Variants in STAU2 observed in about 807,000 individuals in gnomAD.
STAU2 encodes the protein staufen double-stranded RNA binding protein 2, also known as double-stranded RNA-binding protein Staufen homolog 2.
A neutral mutation model predicts 65.9 loss-of-function variants in STAU2; 20 were observed. The ratio of observed to expected loss-of-function variants is 0.30; its 90% CI spans 0.21 to 0.44. The LOEUF (loss-of-function observed/expected upper bound fraction) is 0.44, where lower values mean the gene tolerates loss of function less well. STAU2 is among the 20% of genes least tolerant of loss of function. The probability of loss-of-function intolerance (pLI) is 1.00; values close to 1 mark genes in which losing one functional copy is unlikely to be tolerated. For missense variants in STAU2, 558 were observed against 683.9 expected (o/e 0.82, Z 2.05); for synonymous variants, 232 against 233.9 (o/e 0.99, Z 0.07).
intron 13 of STAU2, among the ~76,000 whole-genome samples, chr8:73,503,534 C>T (rs924898584): frequency 5.4e-5 from 8 of 148,680 alleles, no homozygotes; most frequent in African/African-American, 2.0e-4. Flanking sequence ...ACTCAAATGC[C>T]TTGATTCTTG....
chr8:73,649,869 T>TTATTTATTTATATATATATA (rs71269927), intron 6 of STAU2, among the ~76,000 whole-genome samples: 1 of 71,656 alleles, frequency 1.4e-5, no homozygotes, highest in Non-Finnish European at 2.6e-5. Flanking sequence ...CTATATAATT[T>TTATTTATTTATATATATATA]TATATATATA....
chr8:73,735,223 A>G (rs543797384), intron 3 of STAU2, among the ~76,000 whole-genome samples: 1 of 152,192 alleles, frequency 6.6e-6, no homozygotes, highest in Non-Finnish European at 1.5e-5. Context: ...GGGCCACCAC[A>G]CTGGGCCCCT....
At position 73,552,324 on chromosome 8, in the gene STAU2, A is replaced by C; in HGVS notation, c.1223-5T>G. The C allele has an allele frequency of 1.9e-6, 3 of 1,606,108 alleles. No individual in the cohort carries two copies. Among genetic ancestry groups the C allele is most frequent in the Non-Finnish European group, 2.6e-6 (3 of 1,176,156 alleles). On this transcript the variant is annotated splice_polypyrimidine_tract_variant and splice_region_variant and intron_variant, in intron 12 of 14. Coordinates refer to ENST00000524300, the MANE Select transcript of STAU2 (RefSeq NM_001164380.2). ...AATGAAGAATTCCTTTTGGAGCTAT[A>C]AATAAAATGAAGAACACTGTTATTA...
intron 13 of STAU2, among the ~76,000 whole-genome samples, chr8:73,450,463 A>G (rs1241381924): frequency 6.6e-6 from 1 of 152,206 alleles, no homozygotes; most frequent in Non-Finnish European, 1.5e-5. Flanking sequence ...GTGGAGTCCA[A>G]GGAGAGGAAA....
chr8:73,644,363 T>G (rs1054105933), intron 6 of STAU2, among the ~76,000 whole-genome samples: 3 of 152,078 alleles, frequency 2.0e-5, no homozygotes, highest in Non-Finnish European at 4.4e-5. Context: ...AAGGATCACT[T>G]GAGCCCAGGA....
chr8:73,571,685 T>C (rs1462244469), intron 12 of STAU2, among the ~76,000 whole-genome samples: 1 of 152,222 alleles, frequency 6.6e-6, no homozygotes, highest in Non-Finnish European at 1.5e-5. Context: ...AATAAAGATG[T>C]TCTTTGAAAC....
chr8:73,435,056 G>T (rs937794668), intron 13 of STAU2, among the ~76,000 whole-genome samples: 5 of 150,820 alleles, frequency 3.3e-5, no homozygotes, highest in African/African-American at 1.0e-4. Flanking sequence ...GCAGATGTCA[G>T]CGTTATCCAC....
intron 13 of STAU2, among the ~76,000 whole-genome samples, chr8:73,467,600 A>G (rs1819731187): frequency 6.6e-6 from 1 of 152,210 alleles, no homozygotes. Context: ...GTGGGGTGGG[A>G]AAGATATCAT....
intron 13 of STAU2, among the ~76,000 whole-genome samples, chr8:73,481,528 A>AAAAC (rs1554595570): frequency 6.9e-6 from 1 of 145,354 alleles, no homozygotes; most frequent in Non-Finnish European, 1.5e-5. Context: ...AAAAAAAAAA[A>AAAAC]CACTTTTTTT....
intron 13 of STAU2, among the ~76,000 whole-genome samples, chr8:73,425,411 G>A (rs963103968): frequency 3.3e-5 from 5 of 152,124 alleles, no homozygotes; most frequent in Non-Finnish European, 7.3e-5. Flanking sequence ...CAAAGCACTC[G>A]AAGTGAGGAG....
At chr8:73,599,929 G>A (rs549324592) in intron 10 of STAU2, among the ~76,000 whole-genome samples, 65 of 152,160 alleles carry the variant, frequency 4.3e-4, no homozygotes, top group African/African-American at 1.4e-3. Flanking sequence ...CACCATGTCC[G>A]GCTAATTTTT....
At chr8:73,497,312 A>T (rs1821472695) in intron 13 of STAU2, among the ~76,000 whole-genome samples, 1 of 151,796 alleles carries the variant, frequency 6.6e-6, no homozygotes, top group African/African-American at 2.4e-5. Context: ...TTTTAAAATG[A>T]ATAAACATCC....
intron 4 of STAU2, among the ~76,000 whole-genome samples, chr8:73,693,257 A>G (rs1449135737): frequency 3.3e-5 from 5 of 152,298 alleles, no homozygotes; most frequent in Middle Eastern, 3.4e-3. Context: ...GCGGATCACG[A>G]GGTCAGGAGA....
chr8:73,615,847 C>A, intron 7 of STAU2, 65 bp from the exon 8 acceptor site: 1 of 1,177,984 alleles, frequency 8.5e-7, no homozygotes, highest in Non-Finnish European at 1.3e-6. Flanking sequence ...TTTTATTCTA[C>A]AGTCAAGATG....
intron 5 of STAU2, among the ~76,000 whole-genome samples, chr8:73,686,366 C>T (rs578253686): frequency 6.5e-4 from 99 of 152,096 alleles, no homozygotes; most frequent in Non-Finnish European, 1.2e-3. Flanking sequence ...CTGGCTAACA[C>T]AGTGAAACCC....
chr8:73,723,022 C>A (rs953834969), intron 3 of STAU2, among the ~76,000 whole-genome samples: 2 of 152,016 alleles, frequency 1.3e-5, no homozygotes, highest in African/African-American at 4.8e-5. Context: ...GTGGTCAGAG[C>A]GTATCCTAGC....
intron 13 of STAU2, among the ~76,000 whole-genome samples, chr8:73,547,995 T>C (rs1167863001): frequency 1.2e-5 from 1 of 81,660 alleles, no homozygotes; most frequent in Non-Finnish European, 3.5e-5. Context: ...CATCTAGACA[T>C]GATTTAAAGT....
rs147211049 is a variant in STAU2, at chr8:73,438,787, C to T, written c.1531-16085G>A. ...GCTCCCTGATACTCAGGGTTAGGCC[C>T]GCTAACGGGGACAAGGCCACATAGG... On this transcript the variant is annotated intron_variant, in intron 13 of 14. Transcript: ENST00000524300. The T allele has an allele frequency of 6.8e-4, 252 of 369,796 alleles. 1 individual carries two copies. The highest frequency in any genetic ancestry group is 4.5e-3 in the African/African-American group (211 of 47,238). 22.9% of individuals were successfully genotyped at this position (369,796 alleles called of 1,614,324 possible).
intron 13 of STAU2, among the ~76,000 whole-genome samples, chr8:73,464,941 G>T (rs1819569796): frequency 6.6e-6 from 1 of 152,196 alleles, no homozygotes; most frequent in African/African-American, 2.4e-5. Context: ...CAGCTAAAAT[G>T]AGGTCATTGC....
Sources: gnomAD v4.1 joint callset for allele counts (sites outside exome capture counted in the v4.1 genomes callset) on GRCh38, gnomAD v4.1.1 for gene constraint, MANE v1.5 for transcripts, NCBI Gene and HGNC (gene_info 2026-07-23, HGNC 2026-07-21) for gene names.